The following SHANK2 variants were observed in gnomAD, a reference collection of about 807,000 sequenced individuals.
SHANK2 encodes SH3 and multiple ankyrin repeat domains 2.
Under a neutral mutation model 133.7 loss-of-function variants are expected in SHANK2, and 43 were observed. The observed-to-expected ratio is 0.32, with a 90% CI of 0.25 to 0.41. The LOEUF (loss-of-function observed/expected upper bound fraction) is 0.41, where lower values mean the gene tolerates loss of function less well. Ranked by LOEUF, SHANK2 falls within the 10% of genes least tolerant of loss-of-function variation. The pLI is 1.00. For missense variants in SHANK2, 1,994 were observed against 2,235.8 expected (o/e 0.89, Z 2.18); for synonymous variants, 1,017 against 952.8 (o/e 1.07, Z -1.24).
chr11:71,056,808 T>C lies in SHANK2; in HGVS notation c.1030-250A>G, dbSNP rs954176338. ...AAGTCTTGCACATGTATATAAAATA[T>C]ACAATAAATGAAATATCTTCAGTAA... On this transcript the variant is annotated intron_variant, in intron 9 of 25. Coordinates refer to ENST00000601538, the MANE Select transcript of SHANK2 (RefSeq NM_012309.5). 1.1e-4 allele frequency among the ~76,000 whole-genome samples: 9 copies of C among 82,992 alleles called. No homozygotes were observed. In the East Asian group the frequency reaches 2.8e-3, roughly 26 times the overall value. The allele number at this position is 82,992 out of a possible 152,430, so 54.4% of individuals were successfully genotyped here.
intron 13 of SHANK2, among the ~76,000 whole-genome samples, 184 bp downstream of exon 13, chr11:70,806,818 G>A (rs1376382820): frequency 1.3e-5 from 2 of 152,226 alleles, no homozygotes; most frequent in African/African-American, 4.8e-5. Flanking sequence ...GGAAGCCGCA[G>A]CAGCTCCCTG....
intron 9 of SHANK2, among the ~76,000 whole-genome samples, chr11:71,065,396 G>A (rs1352309030): frequency 1.4e-5 from 2 of 144,936 alleles, no homozygotes; most frequent in Admixed American, 6.9e-5. Flanking sequence ...AGCAGTGACT[G>A]GGGAAGTTGT....
chr11:70,729,717 T>C (rs1946245572), intron 14 of SHANK2, among the ~76,000 whole-genome samples: 1 of 151,064 alleles, frequency 6.6e-6, no homozygotes, highest in African/African-American at 2.4e-5. Flanking sequence ...TTTTTTTTAG[T>C]AGAGACGGGG....
chr11:70,599,889 A>G (rs180777573), intron 17 of SHANK2, among the ~76,000 whole-genome samples: 1,307 of 73,418 alleles, frequency 0.018, 60 homozygotes, highest in East Asian at 0.088. Context: ...GAAAGAAAGA[A>G]AAAGAAAGAA....
At chr11:70,635,680 TA>T (rs375803999) in intron 17 of SHANK2, among the ~76,000 whole-genome samples, 622 of 152,108 alleles carry the variant, frequency 4.1e-3, no homozygotes, top group Non-Finnish European at 6.4e-3. Context: ...AATGTATACT[TA>T]AAAATGGTTA....
intron 18 of SHANK2, 62 bp downstream of exon 18, chr11:70,502,734 C>CCCG: frequency 1.5e-6 from 1 of 679,568 alleles, no homozygotes; most frequent in Non-Finnish European, 2.2e-6. Context: ...CTGTCCTGCC[C>CCCG]GCCCCCACCC....
chr11:70,833,818 C>T (rs1453405625), intron 11 of SHANK2, among the ~76,000 whole-genome samples: 2 of 152,232 alleles, frequency 1.3e-5, no homozygotes, highest in Non-Finnish European at 2.9e-5. Context: ...CATTCTCAGT[C>T]TCTCTGGGCA....
chr11:70,643,159 T>C (rs190409255), intron 17 of SHANK2, among the ~76,000 whole-genome samples: 1 of 152,342 alleles, frequency 6.6e-6, no homozygotes, highest in East Asian at 1.9e-4. Context: ...AAGGCTTATC[T>C]TGAAGGATTA....
intron 8 of SHANK2, among the ~76,000 whole-genome samples, chr11:71,084,627 G>A (rs1361937151): frequency 2.6e-5 from 4 of 152,206 alleles, no homozygotes; most frequent in East Asian, 1.9e-4. Context: ...TGCTTCTCCC[G>A]AGAGGGCAGA....
intron 3 of SHANK2, among the ~76,000 whole-genome samples, chr11:71,137,126 G>A (rs184111988): frequency 6.6e-6 from 1 of 152,212 alleles, no homozygotes; most frequent in East Asian, 1.9e-4. Flanking sequence ...GCCTCCCACA[G>A]TGCTGGGATT....
chr11:70,892,298 T>A (rs1465216426), intron 11 of SHANK2, among the ~76,000 whole-genome samples: 1 of 152,080 alleles, frequency 6.6e-6, no homozygotes, highest in Non-Finnish European at 1.5e-5. Flanking sequence ...GCTCTAGTAA[T>A]CCTAGAGCGA....
chr11:70,890,191 G>A (rs1286593889), intron 11 of SHANK2, among the ~76,000 whole-genome samples: 1 of 152,172 alleles, frequency 6.6e-6, no homozygotes, highest in East Asian at 1.9e-4. Flanking sequence ...CAGGGTCTGT[G>A]AAAAAGGTGC....
At chr11:70,603,533 C>T (rs1289408250) in intron 17 of SHANK2, 2 of 152,322 alleles carry the variant, frequency 1.3e-5, no homozygotes, top group Non-Finnish European at 2.9e-5. Context: ...ACAAATCATT[C>T]TTGAGCAGGT....
chr11:70,887,860 A>C (rs776550594), intron 11 of SHANK2, among the ~76,000 whole-genome samples: 24 of 152,078 alleles, frequency 1.6e-4, no homozygotes, highest in Non-Finnish European at 2.5e-4. Context: ...CCATAGAGGC[A>C]AAGGTGAGTC....
chr11:70,622,408 C>T (rs1554998209), intron 17 of SHANK2, among the ~76,000 whole-genome samples: 1 of 152,096 alleles, frequency 6.6e-6, no homozygotes, highest in East Asian at 1.9e-4. Flanking sequence ...GCCAATGGGG[C>T]TTCCTGACCC....
intron 17 of SHANK2, among the ~76,000 whole-genome samples, chr11:70,636,576 TG>T (rs2061094103): frequency 3.5e-5 from 2 of 56,342 alleles, no homozygotes; most frequent in Non-Finnish European, 1.1e-4. Context: ...TGTGTGTGTA[TG>T]AATGTGAGTC....
intron 10 of SHANK2, among the ~76,000 whole-genome samples, chr11:70,916,360 T>C (rs139242600): frequency 6.6e-6 from 1 of 152,228 alleles, no homozygotes; most frequent in Non-Finnish European, 1.5e-5. Context: ...CATAGAACAG[T>C]ACCCCTCGCC....
rs144329905 is a variant in SHANK2, at chr11:70,544,416, G to T, written c.2062-41485C>A. Among the ~76,000 whole-genome samples the T allele has an allele frequency of 6.1e-3, 927 of 152,346 alleles. 8 individuals are homozygous for T. Among genetic ancestry groups the T allele is most frequent in the African/African-American group, 0.021 (889 of 41,576 alleles). ...TCATTGTTTAGCCTGGGGTTTGGAG[G>T]GGGGCAAGGCTACTGCCCCTGTCTG... On this transcript the variant is annotated intron_variant, in intron 17 of 25. Transcript: ENST00000601538.
intron 9 of SHANK2, among the ~76,000 whole-genome samples, chr11:71,071,148 T>C (rs900312756): frequency 5.9e-5 from 9 of 152,266 alleles, no homozygotes. Context: ...AGGAATGTTT[T>C]TTCCATCCAA....
Sources: gnomAD v4.1 joint callset for allele counts (sites outside exome capture counted in the v4.1 genomes callset) on GRCh38, gnomAD v4.1.1 for gene constraint, MANE v1.5 for transcripts, NCBI Gene and HGNC (gene_info 2026-07-23, HGNC 2026-07-21) for gene names.